Variants in CCDC141 observed in about 807,000 individuals in gnomAD.
CCDC141 encodes coiled-coil domain containing 141.
In CCDC141, 168 loss-of-function variants were observed where a neutral mutation model predicts 181.0. That is an observed-to-expected ratio of 0.93 (90% CI 0.82 to 1.05). The LOEUF (loss-of-function observed/expected upper bound fraction) is 1.05. CCDC141 is among the 50% of genes least tolerant of loss of function. The pLI is 0.00. For missense variants in CCDC141, 1,902 were observed against 1,788.5 expected, an observed-to-expected ratio of 1.06 and a Z score of -1.14; for synonymous variants, 666 against 642.3, an observed-to-expected ratio of 1.04 and a Z score of -0.56.
chr2:178,941,571 T>C (rs760839382), intron 6 of CCDC141, among the ~76,000 whole-genome samples: 11 of 152,138 alleles, frequency 7.2e-5, no homozygotes, highest in Non-Finnish European at 1.5e-4. Context: ...CAACCCATAG[T>C]TTGGAAGGAA....
At chr2:179,019,400 G>C (rs965808113) in intron 2 of CCDC141, among the ~76,000 whole-genome samples, 1 of 152,110 alleles carries the variant, frequency 6.6e-6, no homozygotes, top group Non-Finnish European at 1.5e-5. Context: ...TTCATGTGAA[G>C]ACATATCAAC....
intron 2 of CCDC141, among the ~76,000 whole-genome samples, chr2:179,013,530 T>G (rs921607476): frequency 1.3e-5 from 2 of 152,048 alleles, no homozygotes; most frequent in African/African-American, 4.8e-5. Flanking sequence ...GTGAAAATGA[T>G]CATACTGTCA....
At chr2:179,039,478 C>T (rs1470468624) in intron 2 of CCDC141, among the ~76,000 whole-genome samples, 1 of 152,046 alleles carries the variant, frequency 6.6e-6, no homozygotes, top group East Asian at 1.9e-4. Flanking sequence ...TATTGTATTT[C>T]TTACCCAAAT....
At chr2:178,976,028 C>T (rs562498393) in intron 3 of CCDC141, among the ~76,000 whole-genome samples, 150 of 152,088 alleles carry the variant, frequency 9.9e-4, no homozygotes, top group Admixed American at 3.3e-3. Context: ...TGTCTTTTTT[C>T]TTTTTCTCCA....
chr2:178,927,648 C>T (rs1688959061), intron 6 of CCDC141, among the ~76,000 whole-genome samples: 1 of 151,976 alleles, frequency 6.6e-6, no homozygotes, highest in Non-Finnish European at 1.5e-5. Flanking sequence ...TGAGCTGAGA[C>T]CTCAAACAAG....
chr2:179,039,115 C>A (rs928789699), intron 2 of CCDC141, among the ~76,000 whole-genome samples: 1 of 152,092 alleles, frequency 6.6e-6, no homozygotes, highest in East Asian at 1.9e-4. Context: ...GAAATCTAGA[C>A]GCCTTTTGGG....
rs72961212 is a variant in CCDC141 at position 178,918,743 on chromosome 2, C to A, written c.1062G>T (p.Lys354Asn). 6.4e-7 allele frequency: 1 copy of A among 1,550,432 alleles called. No homozygotes were observed. Among genetic ancestry groups the A allele is most frequent in the Non-Finnish European group, 8.7e-7 (1 of 1,146,936 alleles). Reference sequence around the variant, plus strand: ...TAGCACTGTTAAAAAATTCATTCGCCTTCTTTAACCAGGTATTCCTTTCCA... The same window carrying A: ...TAGCACTGTTAAAAAATTCATTCGCATTCTTTAACCAGGTATTCCTTTCCA... ...LMVERNTWLK[K>N]ANEFFNSANK... Residue 354 changes from lysine (K) to asparagine (N), a missense_variant, in exon 7 of 24, where the codon AAG (lysine) becomes AAT (asparagine). Physicochemically the swap from Lys to Asn is moderately conservative, Grantham distance 94 (BLOSUM62 0). Transcript: ENST00000443758.
intron 15 of CCDC141, among the ~76,000 whole-genome samples, chr2:178,868,882 T>A (rs1385232037): frequency 6.6e-6 from 1 of 151,984 alleles, no homozygotes; most frequent in East Asian, 1.9e-4. Context: ...AATGGCAGCC[T>A]GAGAGTCAAG....
At chr2:178,880,186 A>C (rs35107019) in intron 11 of CCDC141, among the ~76,000 whole-genome samples, 72,919 of 151,910 alleles carry the variant, frequency 0.48, 18,867 homozygotes, top group East Asian at 0.76. Flanking sequence ...TTCAAAAAAG[A>C]CTCCTTGAAT....
downstream of CCDC141, among the ~76,000 whole-genome samples, chr2:178,828,388 C>A (rs1260646008): frequency 6.6e-6 from 1 of 152,148 alleles, no homozygotes; most frequent in Non-Finnish European, 1.5e-5. Flanking sequence ...TTTCAGCTTT[C>A]CATAGACCCC....
intron 8 of CCDC141, among the ~76,000 whole-genome samples, chr2:178,896,416 A>T (rs1397423386): frequency 6.6e-6 from 1 of 152,162 alleles, no homozygotes; most frequent in Admixed American, 6.6e-5. Flanking sequence ...ATTTGGGGTC[A>T]GTTTTATATG....
At chr2:178,921,697 G>A (rs192582953) in intron 6 of CCDC141, among the ~76,000 whole-genome samples, 18 of 152,282 alleles carry the variant, frequency 1.2e-4, no homozygotes, top group African/African-American at 4.3e-4. Flanking sequence ...CATCTCAGGG[G>A]ACCAATGCTC....
chr2:179,030,551 C>A (rs1294131047), intron 2 of CCDC141, among the ~76,000 whole-genome samples: 1 of 152,028 alleles, frequency 6.6e-6, no homozygotes, highest in African/African-American at 2.4e-5. Context: ...TGTAAACAGA[C>A]AATTCACCAT....
At chr2:179,010,479 G>C (rs1054427810) in intron 2 of CCDC141, among the ~76,000 whole-genome samples, 1 of 152,140 alleles carries the variant, frequency 6.6e-6, no homozygotes, top group Non-Finnish European at 1.5e-5. Flanking sequence ...AGCTAGGAGG[G>C]ATTGGGGTCC....
chr2:178,826,510 T>C (rs1222948992), downstream of CCDC141, among the ~76,000 whole-genome samples: 1 of 152,182 alleles, frequency 6.6e-6, no homozygotes, highest in Non-Finnish European at 1.5e-5. Context: ...GCTATTTTTT[T>C]CCCTTTAAAT....
At chr2:179,047,513 A>G in intron 1 of CCDC141, 107 bp from the exon 2 acceptor site, 2 of 990,430 alleles carry the variant, frequency 2.0e-6, no homozygotes, top group Non-Finnish European at 1.4e-6. Context: ...TACTGTAAAC[A>G]CTTTTTTCTA....
At chr2:179,000,272 C>G (rs934709536) in intron 2 of CCDC141, among the ~76,000 whole-genome samples, 1 of 152,012 alleles carries the variant, frequency 6.6e-6, no homozygotes, top group Non-Finnish European at 1.5e-5. Flanking sequence ...TTATATGAAA[C>G]TCAAATTTCA....
At chr2:178,949,226 T>C (rs190414438) in intron 5 of CCDC141, among the ~76,000 whole-genome samples, 44 of 152,256 alleles carry the variant, frequency 2.9e-4, no homozygotes, top group Admixed American at 7.8e-4. Flanking sequence ...TTTGGACCCC[T>C]GCTGGTAGAT....
At chr2:178,904,127 A>T (rs1575195574) in intron 8 of CCDC141, among the ~76,000 whole-genome samples, 1 of 152,198 alleles carries the variant, frequency 6.6e-6, no homozygotes, top group African/African-American at 2.4e-5. Flanking sequence ...AAACACCTTG[A>T]AACTGCTGAA....
Sources: gnomAD v4.1 joint callset for allele counts (sites outside exome capture counted in the v4.1 genomes callset) on GRCh38, gnomAD v4.1.1 for gene constraint, MANE v1.5 for transcripts, NCBI Gene and HGNC (gene_info 2026-07-23, HGNC 2026-07-21) for gene names.